The following CNTN5 variants were observed in gnomAD, a reference collection of about 807,000 sequenced individuals.
The protein encoded by CNTN5 is contactin 5.
CNTN5 carries 77 observed loss-of-function variants against 129.1 expected under a neutral mutation model. That is an observed-to-expected ratio of 0.60 (90% confidence interval 0.50 to 0.72). CNTN5 has a LOEUF of 0.72. CNTN5 is among the 30% of genes least tolerant of loss of function. CNTN5 has a pLI of 0.00. For synonymous variants in CNTN5, 509 were observed against 465.6 expected, an observed-to-expected ratio of 1.09 and a Z score of -1.20; for missense variants, 1,478 against 1,328.8, an observed-to-expected ratio of 1.11 and a Z score of -1.75.
At chr11:99,174,039 G>T (rs983431210) in intron 1 of CNTN5, among the ~76,000 whole-genome samples, 2 of 151,894 alleles carry the variant, frequency 1.3e-5, no homozygotes, top group Non-Finnish European at 2.9e-5. Context: ...ATTCTGTCAC[G>T]CAGGCTGGAG....
At chr11:99,231,239 A>T (rs1860980048) in intron 1 of CNTN5, among the ~76,000 whole-genome samples, 3 of 152,194 alleles carry the variant, frequency 2.0e-5, no homozygotes, top group Admixed American at 6.5e-5. Flanking sequence ...ACTGTCTTCT[A>T]CAATGGTTGA....
chr11:99,419,100 A>T (rs1000575451), intron 2 of CNTN5, among the ~76,000 whole-genome samples: 2 of 152,214 alleles, frequency 1.3e-5, no homozygotes, highest in African/African-American at 2.4e-5. Flanking sequence ...AACAAACAGC[A>T]AAGTTTATGA....
intron 3 of CNTN5, among the ~76,000 whole-genome samples, chr11:99,714,119 C>A (rs1220930376): frequency 6.6e-6 from 1 of 151,792 alleles, no homozygotes; most frequent in Non-Finnish European, 1.5e-5. Context: ...CATTTCTGAA[C>A]TTCAAATACA....
intron 1 of CNTN5, among the ~76,000 whole-genome samples, chr11:99,308,035 G>A (rs1864948931): frequency 6.6e-6 from 1 of 152,154 alleles, no homozygotes; most frequent in South Asian, 2.1e-4. Context: ...AACATGCACT[G>A]CTGCATCAAC....
chr11:99,993,604 G>A (rs1009297723), intron 8 of CNTN5, among the ~76,000 whole-genome samples: 16 of 152,108 alleles, frequency 1.1e-4, no homozygotes, highest in African/African-American at 3.9e-4. Context: ...AAACTCCTGT[G>A]AGAATCTAAT....
chr11:99,955,494 G>C (rs1293463279), intron 7 of CNTN5, among the ~76,000 whole-genome samples: 12 of 152,116 alleles, frequency 7.9e-5, no homozygotes, highest in Non-Finnish European at 1.8e-4. Flanking sequence ...TTTTGTATCT[G>C]TATATTGTAA....
rs1862985834 is a variant in CNTN5 at position 99,267,947 on chromosome 11, C to T, written c.-209-57399C>T. Among the ~76,000 whole-genome samples the T allele has an allele frequency of 2.0e-5, 3 of 150,236 alleles. No homozygotes were observed. In the South Asian group the frequency reaches 6.3e-4, roughly 31 times the overall value. On this transcript the variant is annotated intron_variant, in intron 1 of 24. Transcript: ENST00000524871. ...ACACACACACACACACACACACACA[C>T]ACACACACACATTATACAAAGGATC... is the stretch of plus-strand genomic sequence containing the variant.
chr11:100,312,484 A>G (rs1290903292), intron 21 of CNTN5, among the ~76,000 whole-genome samples: 1 of 151,996 alleles, frequency 6.6e-6, no homozygotes, highest in Non-Finnish European at 1.5e-5. Flanking sequence ...TTAGTAAAAG[A>G]TTTCCCTAAT....
chr11:99,599,047 T>G (rs1950233720), intron 3 of CNTN5, among the ~76,000 whole-genome samples: 1 of 152,160 alleles, frequency 6.6e-6, no homozygotes, highest in Non-Finnish European at 1.5e-5. Flanking sequence ...AGTCATAGTT[T>G]CACTTTTTAA....
At chr11:99,049,802 C>T (rs548785290) in intron 1 of CNTN5, 1 of 152,182 alleles carries the variant, frequency 6.6e-6, no homozygotes, top group East Asian at 1.9e-4. Context: ...TCCCTATTGT[C>T]AATTGTCTAT....
At chr11:99,724,547 A>T (rs1464320527) in intron 3 of CNTN5, among the ~76,000 whole-genome samples, 1 of 152,216 alleles carries the variant, frequency 6.6e-6, no homozygotes, top group Non-Finnish European at 1.5e-5. Context: ...CTGTGAGGAC[A>T]GGTACTATTA....
At chr11:100,222,262 G>T (rs1214135327) in intron 15 of CNTN5, among the ~76,000 whole-genome samples, 1 of 152,132 alleles carries the variant, frequency 6.6e-6, no homozygotes, top group Non-Finnish European at 1.5e-5. Flanking sequence ...GATAGATGGT[G>T]ATGTAACTTT....
intron 3 of CNTN5, among the ~76,000 whole-genome samples, chr11:99,579,405 A>G (rs1428691255): frequency 9.2e-5 from 14 of 151,928 alleles, no homozygotes; most frequent in Admixed American, 5.9e-4. Context: ...CATTGAATGT[A>G]TAAATTACCT....
intron 15 of CNTN5, among the ~76,000 whole-genome samples, chr11:100,213,448 G>A (rs193040533): frequency 2.0e-5 from 3 of 152,228 alleles, no homozygotes; most frequent in African/African-American, 4.8e-5. Context: ...ATATGGTCTC[G>A]ATGATTTTTC....
chr11:99,406,283 G>A (rs1591635508), intron 2 of CNTN5, among the ~76,000 whole-genome samples: 1 of 151,958 alleles, frequency 6.6e-6, no homozygotes, highest in East Asian at 1.9e-4. Context: ...ATAATGCTGT[G>A]GTTCTTATAG....
chr11:99,315,067 T>C (rs1591511066), intron 1 of CNTN5, among the ~76,000 whole-genome samples: 1 of 148,866 alleles, frequency 6.7e-6, no homozygotes, highest in Non-Finnish European at 1.5e-5. Flanking sequence ...AATTAAGTAA[T>C]TAAGTAATTA....
Position 100,206,508 on chromosome 11 carries a change from T to C in CNTN5, c.1884+12845T>C, listed in dbSNP as rs146187742. On this transcript the variant is annotated intron_variant, in intron 15 of 24. Transcript: ENST00000524871. ...GATTTTTCCAAATTAAATCCAGGGATAAACTATATCTTGCTTAACATAAGT... is the reference window on the plus strand; with the variant it reads ...GATTTTTCCAAATTAAATCCAGGGACAAACTATATCTTGCTTAACATAAGT... 3.9e-5 allele frequency among the ~76,000 whole-genome samples: 6 copies of C among 152,274 alleles called. No individual in the cohort carries two copies. The East Asian group carries it at 1.2e-3, about 29-fold the overall frequency.
intron 6 of CNTN5, among the ~76,000 whole-genome samples, chr11:99,867,379 A>G (rs1948385150): frequency 6.6e-6 from 1 of 152,224 alleles, no homozygotes; most frequent in African/African-American, 2.4e-5. Context: ...GTGACAGATT[A>G]TCACAAACGT....
intron 2 of CNTN5, among the ~76,000 whole-genome samples, chr11:99,362,484 A>G (rs937290009): frequency 3.3e-5 from 5 of 151,932 alleles, no homozygotes; most frequent in Admixed American, 3.3e-4. Flanking sequence ...TTTAATTTTG[A>G]TAAAAAACAA....
Sources: gnomAD v4.1 joint callset for allele counts (sites outside exome capture counted in the v4.1 genomes callset) on GRCh38, gnomAD v4.1.1 for gene constraint, MANE v1.5 for transcripts, NCBI Gene and HGNC (gene_info 2026-07-23, HGNC 2026-07-21) for gene names.